The following RYR1 variants were observed in gnomAD, a reference collection of about 807,000 sequenced individuals.
The protein encoded by RYR1 is central core disease of muscle.
Under a neutral mutation model 583.5 loss-of-function variants are expected in RYR1, and 342 were observed. The ratio of observed to expected loss-of-function variants is 0.59; its 90% CI spans 0.54 to 0.64. RYR1 has a LOEUF of 0.64. Ranked by LOEUF, RYR1 falls within the 30% of genes least tolerant of loss-of-function variation. RYR1 has a pLI of 0.00. For missense variants in RYR1, 6,032 were observed against 6,917.2 expected, an observed-to-expected ratio of 0.87 and a Z score of 4.54; for synonymous variants, 2,791 against 2,822.5, an observed-to-expected ratio of 0.99 and a Z score of 0.35.
rs765255811 is a variant in RYR1, at chr19:38,485,991, C to T, written c.5336C>T (p.Pro1779Leu). ...CTGAGGCCCCCGCATCATTTCTCGC[C>T]CCCCTGTTTCGTGGCCGCTCTGCCA... ...TSLRPPHHFS[P>L]PCFVAALPAA... is the part of the protein sequence containing the mutation. Residue 1779 changes from proline to leucine, a missense_variant, in exon 34 of 106, where the codon CCC becomes CTC. Pro to Leu is a moderately conservative substitution (Grantham distance 98, BLOSUM62 -3). Transcript: ENST00000359596. 1.9e-6 allele frequency: 3 copies of T among 1,613,492 alleles called. No individual in the cohort carries two copies. Among genetic ancestry groups the T allele is most frequent in the East Asian group, 2.2e-5 (1 of 44,894 alleles).
intron 76 of RYR1, among the ~76,000 whole-genome samples, chr19:38,529,811 A>G (rs1971650506): frequency 6.6e-6 from 1 of 152,180 alleles, no homozygotes; most frequent in South Asian, 2.1e-4. Context: ...TGCTGCTGAC[A>G]GTAGCAGGCA....
At chr19:38,468,513 CCAAT>C (rs1968246718) in intron 25 of RYR1, among the ~76,000 whole-genome samples, 2 of 152,222 alleles carry the variant, frequency 1.3e-5, no homozygotes, top group Non-Finnish European at 2.9e-5. Flanking sequence ...TCTCAACTTT[CCAAT>C]CATTCTTCTG....
intron 13 of RYR1, among the ~76,000 whole-genome samples, 163 bp from the exon 14 acceptor site, chr19:38,455,072 A>G (rs1484706901): frequency 6.6e-6 from 1 of 152,008 alleles, no homozygotes; most frequent in African/African-American, 2.4e-5. Context: ...AGGAGAGGAG[A>G]GCAATGGGAC....
At chr19:38,580,540 T>G (rs752054161) in intron 101 of RYR1, 36 bp downstream of exon 101, 1 of 1,613,312 alleles carries the variant, frequency 6.2e-7, no homozygotes, top group South Asian at 1.1e-5. Context: ...GACCCTTCCT[T>G]CTCGCATCTG....
chr19:38,567,097 G>A (rs1973477827), intron 92 of RYR1, 110 bp downstream of exon 92: 2 of 1,521,026 alleles, frequency 1.3e-6, no homozygotes, highest in Non-Finnish European at 1.8e-6. Context: ...TGTGTCCTCG[G>A]CATCACCCAG....
At position 38,523,200 on chromosome 19, in the gene RYR1, A is replaced by C; in HGVS notation, c.10348-17A>C. 2 of 1,614,132 alleles carry C rather than the reference A, an allele frequency of 1.2e-6. No individual in the cohort carries two copies. The highest frequency in any genetic ancestry group is 1.7e-6 in the Non-Finnish European group (2 of 1,180,008). On this transcript the variant is annotated splice_polypyrimidine_tract_variant and intron_variant, in intron 68 of 105. Coordinates refer to ENST00000359596, the MANE Select transcript of RYR1 (RefSeq NM_000540.3). Reference sequence around the variant, plus strand: ...TGCCTTCACCTGTCCGGTCTGCAACACTGCTTCCCCCACCAGAACTTCAAG... The same window carrying C: ...TGCCTTCACCTGTCCGGTCTGCAACCCTGCTTCCCCCACCAGAACTTCAAG...
Position 38,523,458 on chromosome 19 carries a change from T to A in RYR1, c.10440+149T>A, listed in dbSNP as rs116016914. ...CAGCCCCTCTTACCTCCTCTCCCTC[T>A]CCCTTCCTCCCCAGCTCCTTCCTCC... On this transcript the variant is annotated intron_variant, in intron 69 of 105. Coordinates refer to ENST00000359596, the MANE Select transcript of RYR1 (RefSeq NM_000540.3). 1.1e-4 allele frequency: 83 copies of A among 787,046 alleles called. No individual in the cohort carries two copies. The African/African-American group carries it at 1.3e-3, about 12-fold the overall frequency. 48.8% of individuals were successfully genotyped at this position (787,046 alleles called of 1,614,324 possible). A position where few individuals can be genotyped will look rare whatever the true frequency, so the allele number is the denominator to read the frequency against.
At chr19:38,532,417 C>A in intron 76 of RYR1, 73 bp from the exon 77 acceptor site, 2 of 1,502,418 alleles carry the variant, frequency 1.3e-6, no homozygotes, top group Non-Finnish European at 1.9e-6. Flanking sequence ...GCCACCGCAC[C>A]CTGCCCAGAA....
chr19:38,533,897 C>T (rs542063658), intron 78 of RYR1, among the ~76,000 whole-genome samples: 1 of 151,866 alleles, frequency 6.6e-6, no homozygotes, highest in Admixed American at 6.6e-5. Context: ...GTGAGTCTCT[C>T]TTCCTGGACC....
intron 35 of RYR1, 60 bp from the exon 36 acceptor site, chr19:38,490,016 T>C: frequency 9.6e-6 from 15 of 1,568,144 alleles, no homozygotes; most frequent in Non-Finnish European, 1.3e-5. Context: ...AAGAGAAGTT[T>C]CAAGGAAGTC....
Position 38,587,449 on chromosome 19 carries a change from C to T in RYR1, c.*29C>T, listed in dbSNP as rs1273593880. 6.5e-7 allele frequency: 1 copy of T among 1,529,666 alleles called. No homozygotes were observed. Among genetic ancestry groups the T allele is most frequent in the Non-Finnish European group, 9.1e-7 (1 of 1,103,646 alleles). The allele number at this position is 1,529,666 out of a possible 1,614,324, so 94.8% of individuals were successfully genotyped here. A position where few individuals can be genotyped will look rare whatever the true frequency, so the allele number is the denominator to read the frequency against. Reference sequence around the variant, plus strand: ...ACCCCCAGCTGGCCCTCCACCCCCACCTCAAGTGCCTTATTCTCACAGCAA... The same window carrying T: ...ACCCCCAGCTGGCCCTCCACCCCCATCTCAAGTGCCTTATTCTCACAGCAA... On this transcript the variant is annotated 3_prime_UTR_variant, in exon 106 of 106. Coordinates refer to ENST00000359596, the MANE Select transcript of RYR1 (RefSeq NM_000540.3).
Position 38,464,717 on chromosome 19 carries a change from C to A in RYR1, c.2865C>A (p.Pro955=). 6.3e-7 allele frequency: 1 copy of A among 1,581,548 alleles called. No individual in the cohort carries two copies. The highest frequency in any genetic ancestry group is 2.3e-5 in the East Asian group (1 of 43,398). Residue 955 remains proline, a synonymous_variant, in exon 23 of 106, where the codon CCC becomes CCA. Coordinates refer to ENST00000359596, the MANE Select transcript of RYR1 (RefSeq NM_000540.3). The part of the protein sequence containing the change: ...AEDNLKKTKL[P]KTYMMSNGYK... ...ACAACCTGAAGAAGACAAAACTCCC[C>A]AAGACGTGAGTGTGGGCAGCCAGGT...
chr19:38,506,210 G>A (rs1468108736), intron 54 of RYR1, 93 bp from the exon 55 acceptor site: 10 of 1,332,866 alleles, frequency 7.5e-6, no homozygotes, highest in Admixed American at 1.8e-5. Context: ...AGGGTGGAGG[G>A]GGTAGAATGG....
At position 38,459,252 on chromosome 19, in the gene RYR1, C is replaced by G. The variant is rs1967599257; in HGVS notation, c.2274C>G (p.Ile758Met). The stretch of plus-strand genomic sequence containing the variant: ...GCGTGCCGTCCATCTCCTTCCGCAT[C>G]AACGGCTGCCCCGTGCAGGGTGTCT... ...DLSVPSISFR[I>M]NGCPVQGVFE... The change falls in exon 19 of 106, where the codon ATC (isoleucine) becomes ATG (methionine). Residue 758 changes from isoleucine (I) to methionine (M), a missense_variant. Around this residue, in one of 11 missense-constraint regions of RYR1, gnomAD observed 2,627 missense variants for 2,961.3 expected, o/e 0.89. Coordinates refer to ENST00000359596, the MANE Select transcript of RYR1 (RefSeq NM_000540.3). 2 of 1,614,146 alleles carry G rather than the reference C, an allele frequency of 1.2e-6. No homozygotes were observed. The highest frequency in any genetic ancestry group is 1.7e-6 in the Non-Finnish European group (2 of 1,179,992).
Position 38,496,155 on chromosome 19 carries a change from G to A in RYR1, c.6549-60G>A, listed in dbSNP as rs1282016694. The A allele has an allele frequency of 2.9e-6, 4 of 1,357,760 alleles. No homozygotes were observed. Among genetic ancestry groups the A allele is most frequent in the Non-Finnish European group, 2.1e-6 (2 of 952,172 alleles). 84.1% of individuals were successfully genotyped at this position (1,357,760 alleles called of 1,614,324 possible). A position where few individuals can be genotyped will look rare whatever the true frequency, so the allele number is the denominator to read the frequency against. Reference sequence around the variant, plus strand: ...AGAATGCCAACGCTGTCACAGTGGTGGCTATGGCCCTCTCCGGACCTGGGC... The same window carrying A: ...AGAATGCCAACGCTGTCACAGTGGTAGCTATGGCCCTCTCCGGACCTGGGC... On this transcript the variant is annotated intron_variant, in intron 39 of 105. Coordinates refer to ENST00000359596, the MANE Select transcript of RYR1 (RefSeq NM_000540.3). This position sits in a 1 kb window ranked among gnomAD's most constrained non-coding sequence, Gnocchi z 4.8.
chr19:38,477,494 G>T (rs903334591), intron 29 of RYR1, among the ~76,000 whole-genome samples: 1 of 152,066 alleles, frequency 6.6e-6, no homozygotes, highest in Non-Finnish European at 1.5e-5. Context: ...CCCAAATATG[G>T]CACTGTCACA....
rs978299168 is a variant in RYR1, at chr19:38,455,891, C to G, written c.1791+140C>G. The G allele has an allele frequency of 1.0e-5, 7 of 701,198 alleles. No individual in the cohort carries two copies. The African/African-American group carries it at 1.2e-4, about 12-fold the overall frequency. The allele number at this position is 701,198 out of a possible 1,614,324, so 43.4% of individuals were successfully genotyped here. ...GTACGCCACTCCCACTGGCTTTCAT[C>G]TCCACACAGGGGTCTCAAACAATGA... On this transcript the variant is annotated intron_variant, in intron 16 of 105. Transcript: ENST00000359596.
In RYR1 at chr19:38,511,938, G is replaced by A; in HGVS notation, c.9173-134G>A. On this transcript the variant is annotated intron_variant, in intron 61 of 105. Coordinates refer to ENST00000359596, the MANE Select transcript of RYR1 (RefSeq NM_000540.3). Reference sequence around the variant, plus strand: ...GGAGGCGCTGTAGGAGTCTGGGGGGGTGGGGGTGCAGTAGCATTCCAACTT... The same window carrying A: ...GGAGGCGCTGTAGGAGTCTGGGGGGATGGGGGTGCAGTAGCATTCCAACTT... 4 of 1,054,604 alleles carry A rather than the reference G, an allele frequency of 3.8e-6. No homozygotes were observed. The Admixed American group carries it at 6.0e-5, about 16-fold the overall frequency. The allele number at this position is 1,054,604 out of a possible 1,614,324, so 65.3% of individuals were successfully genotyped here.
At chr19:38,562,643 C>G (rs1168607116) in intron 90 of RYR1, among the ~76,000 whole-genome samples, 3 of 152,104 alleles carry the variant, frequency 2.0e-5, no homozygotes, top group African/African-American at 7.2e-5. Context: ...TACACAAACC[C>G]TTGGCTCCCC....
Sources: gnomAD v4.1 joint callset for allele counts (sites outside exome capture counted in the v4.1 genomes callset) on GRCh38, gnomAD v4.1.1 for gene constraint, gnomAD v4.1.1 regional missense constraint, Gnocchi (gnomAD v3.1) non-coding constraint, MANE v1.5 for transcripts, NCBI Gene and HGNC (gene_info 2026-07-23, HGNC 2026-07-21) for gene names.